ZBTB11: variants seen among roughly 807,000 people sequenced by gnomAD.
ZBTB11 encodes zinc finger and BTB domain-containing protein 11.
Under a neutral mutation model 113.1 loss-of-function variants are expected in ZBTB11, and 68 were observed. The ratio of observed to expected loss-of-function variants is 0.60; its 90% confidence interval spans 0.49 to 0.74. The LOEUF (loss-of-function observed/expected upper bound fraction) is 0.74, where lower values mean the gene tolerates loss of function less well. Ranked by LOEUF, ZBTB11 falls within the 30% of genes least tolerant of loss-of-function variation. The pLI, the probability that ZBTB11 is intolerant of heterozygous loss-of-function variation, is 0.00. For missense variants in ZBTB11, 1,104 were observed against 1,279.4 expected (o/e 0.86, Z 2.09); for synonymous variants, 518 against 452.6 (o/e 1.14, Z -1.83).
intron 1 of ZBTB11, among the ~76,000 whole-genome samples, chr3:101,673,658 C>T (rs1166112303): frequency 6.6e-6 from 1 of 151,888 alleles, no homozygotes; most frequent in Non-Finnish European, 1.5e-5. Context: ...GGATTACAGG[C>T]GCCCGCCACC....
chr3:101,659,821 T>C lies in ZBTB11; in HGVS notation c.2008A>G (p.Met670Val), dbSNP rs776134687. The change falls in exon 6 of 11, where the codon ATG (methionine) becomes GTG (valine). Residue 670 changes from methionine (M) to valine (V), a missense_variant. Physicochemically the swap from Met to Val is conservative, Grantham distance 21. Around this residue, in one of 5 missense-constraint regions of ZBTB11, gnomAD observed 535 missense variants for 518.6 expected, o/e 1.03. Transcript: ENST00000312938. Reference protein sequence around the residue: ...LPKLYSLRIHMLKHTGVKPHA... With the variant: ...LPKLYSLRIHVLKHTGVKPHA... The stretch of plus-strand genomic sequence containing the variant: ...GGCTTTACACCTGTGTGCTTTAACA[T>C]ATGTATTCGGAGAGAATATAATTTA... 1 of 1,614,216 alleles carries C rather than the reference T, an allele frequency of 6.2e-7. No individual in the cohort carries two copies. Among genetic ancestry groups the C allele is most frequent in the Non-Finnish European group, 8.5e-7 (1 of 1,180,024 alleles).
chr3:101,671,528 A>T (rs971065688), intron 2 of ZBTB11, 167 bp from the exon 3 acceptor site: 28 of 612,956 alleles, frequency 4.6e-5, no homozygotes, highest in Non-Finnish European at 7.1e-5. Flanking sequence ...GTCCTATCCT[A>T]TTTTCTGCCA....
At chr3:101,654,607 C>A (rs1936762594) in intron 8 of ZBTB11, 97 bp downstream of exon 8, 2 of 1,005,818 alleles carry the variant, frequency 2.0e-6, no homozygotes, top group Admixed American at 2.2e-5. Flanking sequence ...CAAGAGTAAA[C>A]TGAAGTTACA....
chr3:101,657,498 C>A (rs1424369822), intron 6 of ZBTB11, among the ~76,000 whole-genome samples: 4 of 151,002 alleles, frequency 2.6e-5, no homozygotes, highest in Non-Finnish European at 5.9e-5. Context: ...CAGAGTGAGA[C>A]CCTGCCTCCA....
chr3:101,653,549 A>G (rs1936742165), intron 8 of ZBTB11, among the ~76,000 whole-genome samples: 1 of 152,190 alleles, frequency 6.6e-6, no homozygotes, highest in African/African-American at 2.4e-5. Flanking sequence ...AGACTCCTAG[A>G]CTTTATATTT....
intron 6 of ZBTB11, 21 bp from the exon 7 acceptor site, chr3:101,656,269 T>A (rs934390504): frequency 7.2e-7 from 1 of 1,384,730 alleles, no homozygotes; most frequent in Non-Finnish European, 9.4e-7. Context: ...ACAGGGGTGA[T>A]TAAGTCAATA....
In ZBTB11 at chr3:101,665,179, T is replaced by C. The variant is rs766745053; in HGVS notation, c.1408A>G (p.Ile470Val). The change falls in exon 4 of 11, where the codon ATT becomes GTT. Residue 470 changes from isoleucine (I) to valine (V), a missense_variant. Ile to Val is a conservative substitution (Grantham distance 29). Coordinates refer to ENST00000312938, the MANE Select transcript of ZBTB11 (RefSeq NM_014415.4). ...TCAACTTTCTGCCTATGTTTTGGAA[T>C]GTCTTCGGCACAAATATCCTCAGCT... is the stretch of plus-strand genomic sequence containing the variant. ...ISAEDICAED[I>V]PKHRQKVDQP... 1.4e-5 allele frequency: 23 copies of C among 1,614,126 alleles called. No individual in the cohort carries two copies. Among genetic ancestry groups the C allele is most frequent in the Non-Finnish European group, 1.9e-5 (23 of 1,180,054 alleles).
intron 5 of ZBTB11, among the ~76,000 whole-genome samples, chr3:101,663,942 TC>T (rs1246171269): frequency 6.6e-6 from 1 of 151,932 alleles, no homozygotes; most frequent in African/African-American, 2.4e-5. Flanking sequence ...CTTTTACTCT[TC>T]CCTGTTTTGA....
In ZBTB11 at chr3:101,665,779, G is replaced by C; in HGVS notation, c.808C>G (p.Leu270Val). 6.2e-7 allele frequency: 1 copy of C among 1,604,614 alleles called. No homozygotes were observed. Among genetic ancestry groups the C allele is most frequent in the Non-Finnish European group, 8.5e-7 (1 of 1,176,652 alleles). The part of the protein sequence containing the change: ...GFCKASFLPL[L>V]EFAYTSVLSF... ...AGTACAGAAGTATAGGCAAATTCCA[G>C]TAAAGGAAGGAAGCTGGCCTTACAA... Residue 270 changes from leucine (L) to valine (V), a missense_variant, in exon 4 of 11, where the codon CTG becomes GTG. Leu to Val is a conservative substitution (Grantham distance 32, BLOSUM62 1). Coordinates refer to ENST00000312938, the MANE Select transcript of ZBTB11 (RefSeq NM_014415.4).
At chr3:101,676,410 G>A (rs1328338252) in intron 1 of ZBTB11, 195 bp downstream of exon 1, 6 of 553,900 alleles carry the variant, frequency 1.1e-5, no homozygotes, top group African/African-American at 5.9e-5. Flanking sequence ...CCCGCCCCCA[G>A]CTTCGCCGGC....
chr3:101,656,117 C>T lies in ZBTB11; in HGVS notation c.2178G>A (p.Met726Ile). The stretch of plus-strand genomic sequence containing the variant: ...ATTTCTCATTACCTGTGTGAATACT[C>T]ATATGTTCTTGAAGACTCCGTTTGG... ...FVTKRSLQEH[M>I]SIHTGESKYL... is the part of the protein sequence containing the mutation. Residue 726 changes from methionine (M) to isoleucine (I), a missense_variant, in exon 7 of 11, where the codon ATG (methionine) becomes ATA (isoleucine). Met to Ile is a conservative substitution (Grantham distance 10). Transcript: ENST00000312938. 1 of 1,577,806 alleles carries T rather than the reference C, an allele frequency of 6.3e-7. No homozygotes were observed. Among genetic ancestry groups the T allele is most frequent in the African/African-American group, 1.4e-5 (1 of 72,872 alleles).
Position 101,665,012 on chromosome 3 carries a change from C to A in ZBTB11, c.1575G>T (p.Glu525Asp). The change falls in exon 4 of 11, where the codon GAG (glutamate) becomes GAT (aspartate). Residue 525 changes from glutamate (E) to aspartate (D), a missense_variant. By Grantham distance (45) the Glu-to-Asp change is conservative. This residue lies in a region of ZBTB11 where 535 missense variants were observed against 518.6 expected (regional missense o/e 1.03). Transcript: ENST00000312938. ...CGGCTTTCCGTTTCTGCAGCTTTTT[C>A]TCCATTCCCTTGTGTAGTCGAATAT... is the stretch of plus-strand genomic sequence containing the variant. ...GAYIRLHKGM[E>D]KKLQKRKAVP... 5 of 1,613,310 alleles carry A rather than the reference C, an allele frequency of 3.1e-6. No homozygotes were observed. Among genetic ancestry groups the A allele is most frequent in the Non-Finnish European group, 4.2e-6 (5 of 1,179,592 alleles).
chr3:101,656,155 T>TA lies in ZBTB11; in HGVS notation c.2139dup (p.Lys714Ter). ...AGACTCCGTTTGGTAACAAATGACT[T>TA]AACACACAGTTCACACTGGAACTGC... is the stretch of plus-strand genomic sequence containing the variant. On this transcript the variant is annotated frameshift_variant, in exon 7 of 11. Transcript: ENST00000312938. LOFTEE classifies it high-confidence loss of function. The TA allele has an allele frequency of 1.3e-6, 2 of 1,598,082 alleles. No individual in the cohort carries two copies.
chr3:101,659,643 T>C, intron 6 of ZBTB11, 140 bp downstream of exon 6: 2 of 1,000,426 alleles, frequency 2.0e-6, no homozygotes, highest in Non-Finnish European at 2.9e-6. Flanking sequence ...ACCTTTGATC[T>C]AGGCAATAAA....
chr3:101,677,038 G>T lies in ZBTB11; in HGVS notation c.-124C>A, dbSNP rs1017877602. 9.2e-7 allele frequency: 1 copy of T among 1,092,342 alleles called. No homozygotes were observed. The highest frequency in any genetic ancestry group is 1.7e-5 in the South Asian group (1 of 59,762). 67.7% of individuals were successfully genotyped at this position (1,092,342 alleles called of 1,614,324 possible). On this transcript the variant is annotated 5_prime_UTR_variant, in exon 1 of 11. Coordinates refer to ENST00000312938, the MANE Select transcript of ZBTB11 (RefSeq NM_014415.4). ...AGAAACGGCTGCGCCTTTGGCGAGC[G>T]CTCTTCGACGGCTCCCTTAGTCCGA...
rs867803612 is a variant in ZBTB11, at chr3:101,676,668, C to T, written c.247G>A (p.Gly83Ser). 3 of 1,590,292 alleles carry T rather than the reference C, an allele frequency of 1.9e-6. 1 individual carries two copies. Among genetic ancestry groups the T allele is most frequent in the East Asian group, 4.5e-5 (2 of 44,226 alleles). Residue 83 changes from glycine (G) to serine (S), a missense_variant, in exon 1 of 11, where the codon GGC (glycine) becomes AGC (serine). Coordinates refer to ENST00000312938, the MANE Select transcript of ZBTB11 (RefSeq NM_014415.4). ...DLIEAAHLGP[G>S]GTHHTRHQTW... ...TGATGCCGGGTGTGGTGAGTGCCGC[C>T]GGGACCCAGGTGCGCCGCCTCGATG...
chr3:101,667,654 G>C (rs1021813100), intron 3 of ZBTB11, among the ~76,000 whole-genome samples: 1 of 152,122 alleles, frequency 6.6e-6, no homozygotes, highest in Non-Finnish European at 1.5e-5. Flanking sequence ...TCCTAGGAAA[G>C]CTAATTCTTT....
At chr3:101,664,848 G>A (rs1372707579) in intron 4 of ZBTB11, 116 bp downstream of exon 4, 1 of 1,475,478 alleles carries the variant, frequency 6.8e-7, no homozygotes, top group African/African-American at 1.4e-5. Context: ...ACATTAAGTT[G>A]CTACCTTGTA....
In ZBTB11 at chr3:101,676,433, G is replaced by T. The variant is rs911004892; in HGVS notation, c.310+172C>A. 1.2e-5 allele frequency: 8 copies of T among 641,904 alleles called. No individual in the cohort carries two copies. The South Asian group carries it at 2.8e-4, about 23-fold the overall frequency. 39.8% of individuals were successfully genotyped at this position (641,904 alleles called of 1,614,324 possible). The stretch of plus-strand genomic sequence containing the variant: ...CAGCTTCGCCGGCCTCCTTCCTGTG[G>T]GAAGTGCGGCTCCTTTCGCGTCCCC... On this transcript the variant is annotated intron_variant, in intron 1 of 10. Transcript: ENST00000312938.
Sources: gnomAD v4.1 joint callset for allele counts (sites outside exome capture counted in the v4.1 genomes callset) on GRCh38, gnomAD v4.1.1 for gene constraint, gnomAD v4.1.1 regional missense constraint, MANE v1.5 for transcripts, NCBI Gene and HGNC (gene_info 2026-07-23, HGNC 2026-07-21) for gene names.